Variants in FAM114A1 observed in about 807,000 individuals in gnomAD.
The protein encoded by FAM114A1 is protein NOXP20.
A neutral mutation model predicts 64.3 loss-of-function variants in FAM114A1; 62 were observed. The observed-to-expected ratio is 0.96, with a 90% CI of 0.79 to 1.19. The LOEUF (loss-of-function observed/expected upper bound fraction) is 1.19. Ranked by LOEUF, FAM114A1 falls within the 50% of genes most tolerant of loss-of-function variation. The probability of loss-of-function intolerance (pLI) is 0.00; values close to 1 mark genes in which losing one functional copy is unlikely to be tolerated. For synonymous variants in FAM114A1, 254 were observed against 251.1 expected, an observed-to-expected ratio of 1.01 and a Z score of -0.11; for missense variants, 645 against 676.3, an observed-to-expected ratio of 0.95 and a Z score of 0.51.
At chr4:38,935,585 T>C in intron 12 of FAM114A1, 133 bp from the exon 13 acceptor site, 1 of 579,856 alleles carries the variant, frequency 1.7e-6, no homozygotes, top group Non-Finnish European at 3.0e-6. Context: ...ACTGCACATT[T>C]CTGTAGAGCA....
At chr4:38,890,705 A>C (rs1716278105) in intron 3 of FAM114A1, among the ~76,000 whole-genome samples, 1 of 152,214 alleles carries the variant, frequency 6.6e-6, no homozygotes, top group African/African-American at 2.4e-5. Context: ...CATTGGTTGC[A>C]AGTAACAGAA....
In FAM114A1 at chr4:38,944,670, C is replaced by T. The variant is rs1167552098; in HGVS notation, c.*1113C>T. ...CTGCCTCCCGTCAGGTCAGCAGCAG[C>T]ATTAGAGTCTCATGGGAGTGCGAAC... On this transcript the variant is annotated 3_prime_UTR_variant, in exon 15 of 15. Transcript: ENST00000358869. The T allele has an allele frequency of 6.6e-6, 1 of 152,248 alleles. No individual in the cohort carries two copies. The highest frequency in any genetic ancestry group is 1.9e-4 in the East Asian group (1 of 5,192). The allele number at this position is 152,248 out of a possible 1,614,324, so 9.4% of individuals were successfully genotyped here.
chr4:38,935,635 A>T (rs1036728492), intron 12 of FAM114A1, 83 bp from the exon 13 acceptor site: 5 of 929,576 alleles, frequency 5.4e-6, no homozygotes, highest in Non-Finnish European at 8.2e-6. Flanking sequence ...TGTCATACTG[A>T]ATTAGTATCA....
chr4:38,878,530 T>G (rs1198197174), intron 3 of FAM114A1, 104 bp downstream of exon 3: 2 of 905,190 alleles, frequency 2.2e-6, no homozygotes, highest in Non-Finnish European at 1.7e-6. Context: ...GAGTTCAAAA[T>G]GTACTGTGAC....
intron 9 of FAM114A1, among the ~76,000 whole-genome samples, chr4:38,925,164 G>C (rs1323400875): frequency 6.6e-6 from 1 of 152,132 alleles, no homozygotes; most frequent in Non-Finnish European, 1.5e-5. Context: ...TTTAGCAATG[G>C]TAGGTTTGCC....
intron 7 of FAM114A1, among the ~76,000 whole-genome samples, chr4:38,911,844 C>CTTTTTTTTTTTTTTT (rs771972308): frequency 5.2e-5 from 6 of 115,190 alleles, no homozygotes; most frequent in Admixed American, 1.8e-4. Flanking sequence ...TTTTTTTTTT[C>CTTTTTTTTTTTTTTT]TTTTTTTTTC....
intron 10 of FAM114A1, 24 bp downstream of exon 10, chr4:38,929,357 T>C: frequency 6.4e-7 from 1 of 1,566,900 alleles, no homozygotes; most frequent in Non-Finnish European, 8.7e-7. Context: ...GATTTATAGT[T>C]TCTGGTTAAA....
intron 3 of FAM114A1, among the ~76,000 whole-genome samples, chr4:38,890,897 G>A (rs941215454): frequency 1.3e-5 from 2 of 152,124 alleles, no homozygotes; most frequent in African/African-American, 2.4e-5. Flanking sequence ...AAGCAGCAGG[G>A]CCTTCAGAGG....
At chr4:38,930,469 G>A (rs1053802859) in intron 10 of FAM114A1, among the ~76,000 whole-genome samples, 1 of 152,096 alleles carries the variant, frequency 6.6e-6, no homozygotes, top group African/African-American at 2.4e-5. Flanking sequence ...TCATCTCCGT[G>A]CAGCATCTGC....
chr4:38,932,465 C>A, intron 12 of FAM114A1, 91 bp downstream of exon 12: 1 of 1,264,822 alleles, frequency 7.9e-7, no homozygotes, highest in Non-Finnish European at 1.1e-6. Context: ...CCCTCTAAGC[C>A]ACTAGAAGAT....
intron 13 of FAM114A1, among the ~76,000 whole-genome samples, chr4:38,936,520 T>A (rs573347467): frequency 1.3e-3 from 199 of 152,158 alleles, no homozygotes; most frequent in African/African-American, 4.6e-3. Flanking sequence ...AGAGCCTACT[T>A]TATAAGCCAT....
chr4:38,913,365 A>G (rs1474690643), intron 7 of FAM114A1, among the ~76,000 whole-genome samples: 1 of 152,190 alleles, frequency 6.6e-6, no homozygotes, highest in Non-Finnish European at 1.5e-5. Context: ...ATATTTCTGG[A>G]AACCAGACTT....
intron 9 of FAM114A1, among the ~76,000 whole-genome samples, chr4:38,927,934 G>A (rs930504340): frequency 3.9e-5 from 6 of 152,036 alleles, no homozygotes; most frequent in South Asian, 2.1e-4. Flanking sequence ...CACCCATCTC[G>A]GCCTCCCAAA....
At chr4:38,938,527 T>C (rs192470338) in intron 13 of FAM114A1, 4 of 152,358 alleles carry the variant, frequency 2.6e-5, no homozygotes, top group African/African-American at 4.8e-5. Flanking sequence ...TGGAAGCTCA[T>C]TGATATGATA....
rs1324779003 is a variant in FAM114A1 at position 38,944,913 on chromosome 4, A to T, written c.*1356A>T. 1 of 152,160 alleles carries T rather than the reference A, an allele frequency of 6.6e-6. No individual in the cohort carries two copies. Among genetic ancestry groups the T allele is most frequent in the Non-Finnish European group, 1.5e-5 (1 of 68,028 alleles). The allele number at this position is 152,160 out of a possible 1,614,324, so 9.4% of individuals were successfully genotyped here. A position where few individuals can be genotyped will look rare whatever the true frequency, so the allele number is the denominator to read the frequency against. On this transcript the variant is annotated 3_prime_UTR_variant, in exon 15 of 15. Coordinates refer to ENST00000358869, the MANE Select transcript of FAM114A1 (RefSeq NM_138389.4). ...TTGGGGACCACTGGCTTAAAATACC[A>T]ATAAATTTTTGAACCTTAAAAACTT...
rs894536778 is a variant in FAM114A1 at position 38,901,302 on chromosome 4, T to C, written c.437-4220T>C. Among the ~76,000 whole-genome samples, 7 of 136,122 alleles carry C rather than the reference T, an allele frequency of 5.1e-5. No homozygotes were observed. In the Admixed American group the frequency reaches 5.1e-4, roughly 10 times the overall value. The allele number at this position is 136,122 out of a possible 152,430, so 89.3% of individuals were successfully genotyped here. A position where few individuals can be genotyped will look rare whatever the true frequency, so the allele number is the denominator to read the frequency against. On this transcript the variant is annotated intron_variant, in intron 4 of 14. Coordinates refer to ENST00000358869, the MANE Select transcript of FAM114A1 (RefSeq NM_138389.4). ...ATATTCTCTTGTTTTTTTTTTGAGCTGGAGTCCTAGTCTGGCTCTGTCGTC... is the reference window on the plus strand; with the variant it reads ...ATATTCTCTTGTTTTTTTTTTGAGCCGGAGTCCTAGTCTGGCTCTGTCGTC...
At chr4:38,907,271 G>A (rs1234439636) in intron 6 of FAM114A1, among the ~76,000 whole-genome samples, 2 of 152,270 alleles carry the variant, frequency 1.3e-5, no homozygotes, top group Middle Eastern at 3.4e-3. Flanking sequence ...GGAGATGGAT[G>A]GAGCTCTGTC....
At chr4:38,886,032 T>C (rs1715764291) in intron 3 of FAM114A1, among the ~76,000 whole-genome samples, 1 of 151,926 alleles carries the variant, frequency 6.6e-6, no homozygotes, top group Non-Finnish European at 1.5e-5. Context: ...AAGTAAGTAA[T>C]AAAAAGACTA....
chr4:38,867,998 G>A (rs1361561604), intron 1 of FAM114A1, 164 bp downstream of exon 1: 2 of 401,794 alleles, frequency 5.0e-6, no homozygotes, highest in African/African-American at 2.1e-5. Context: ...GGAGGACCCG[G>A]CTCTGGGGTG....
Sources: allele counts gnomAD v4.1 joint callset (sites outside exome capture counted in the v4.1 genomes callset), GRCh38; gene constraint gnomAD v4.1.1; transcripts MANE v1.5; gene names NCBI Gene and HGNC (gene_info 2026-07-23, HGNC 2026-07-21).